Variants in ZNF385C observed in about 807,000 individuals in gnomAD.
ZNF385C encodes zinc finger protein 385C, also known as CTD-2132N18.2.
In ZNF385C, 28 loss-of-function variants were observed where a neutral mutation model predicts 35.4. That is an observed-to-expected ratio of 0.79 (90% confidence interval 0.59 to 1.08). ZNF385C has a LOEUF of 1.08. ZNF385C is among the 50% of genes least tolerant of loss of function. The pLI is 0.00. For missense variants in ZNF385C, 605 were observed against 595.6 expected, an observed-to-expected ratio of 1.02 and a Z score of -0.16; for synonymous variants, 248 against 248.2, an observed-to-expected ratio of 1.00 and a Z score of 0.01.
intron 1 of ZNF385C, among the ~76,000 whole-genome samples, chr17:42,075,536 C>A (rs1363561964): frequency 6.7e-6 from 1 of 149,488 alleles, no homozygotes. Context: ...GCTCTGTCGC[C>A]CAGGCTGGAG....
intron 1 of ZNF385C, among the ~76,000 whole-genome samples, chr17:42,080,491 T>C (rs546657309): frequency 2.6e-5 from 4 of 152,234 alleles, no homozygotes; most frequent in Non-Finnish European, 4.4e-5. Flanking sequence ...GAGAAACTAA[T>C]CCTAACCCAT....
At chr17:42,056,566 A>C (rs2053379477) in intron 2 of ZNF385C, among the ~76,000 whole-genome samples, 1 of 152,196 alleles carries the variant, frequency 6.6e-6, no homozygotes, top group Non-Finnish European at 1.5e-5. Context: ...GTTTGAGACC[A>C]GCCTGGGCAA....
intron 1 of ZNF385C, among the ~76,000 whole-genome samples, chr17:42,063,655 A>G (rs1273124903): frequency 6.6e-6 from 1 of 152,214 alleles, no homozygotes; most frequent in Admixed American, 6.5e-5. Flanking sequence ...GCCGCAGAAC[A>G]TATCTCAGAG....
chr17:42,038,998 C>G (rs2052935202), intron 2 of ZNF385C: 1 of 152,324 alleles, frequency 6.6e-6, no homozygotes, highest in Admixed American at 6.5e-5. Context: ...TGCCTGTAAT[C>G]CCAGCATTTT....
chr17:42,091,347 G>C (rs1036427357), intron 1 of ZNF385C, among the ~76,000 whole-genome samples: 18 of 152,210 alleles, frequency 1.2e-4, no homozygotes, highest in Non-Finnish European at 1.9e-4. Context: ...ACTGAGGGCT[G>C]GGGTGGGAGG....
intron 1 of ZNF385C, among the ~76,000 whole-genome samples, chr17:42,097,370 G>A (rs547272640): frequency 3.3e-5 from 5 of 152,192 alleles, no homozygotes; most frequent in African/African-American, 7.2e-5. Flanking sequence ...ATATGAGAAC[G>A]AACTTCTGCC....
chr17:42,090,050 C>T (rs1428719728), intron 1 of ZNF385C, among the ~76,000 whole-genome samples: 3 of 152,122 alleles, frequency 2.0e-5, no homozygotes, highest in Non-Finnish European at 4.4e-5. Flanking sequence ...TCCTATAACT[C>T]CCCACCTTCC....
chr17:42,065,695 A>T (rs1367325417), intron 1 of ZNF385C, among the ~76,000 whole-genome samples: 1 of 152,058 alleles, frequency 6.6e-6, no homozygotes, highest in Non-Finnish European at 1.5e-5. Flanking sequence ...AATTTTATGT[A>T]TGTTTAAAAT....
chr17:42,086,193 A>C (rs2053805532), intron 1 of ZNF385C, among the ~76,000 whole-genome samples: 1 of 151,252 alleles, frequency 6.6e-6, no homozygotes, highest in Non-Finnish European at 1.5e-5. Flanking sequence ...GGGGTTAGAG[A>C]CCAGCCTGCG....
At chr17:42,035,388 GA>G (rs1190556065) in intron 3 of ZNF385C, among the ~76,000 whole-genome samples, 1 of 151,676 alleles carries the variant, frequency 6.6e-6, no homozygotes, top group East Asian at 1.9e-4. Context: ...CAGAGAGTTG[GA>G]AACAAGGAGA....
At chr17:42,057,406 T>A (rs1469333985) in intron 2 of ZNF385C, among the ~76,000 whole-genome samples, 3 of 152,122 alleles carry the variant, frequency 2.0e-5, no homozygotes, top group Non-Finnish European at 2.9e-5. Flanking sequence ...CTGTGCTGGC[T>A]CAACATCTGT....
intron 2 of ZNF385C, among the ~76,000 whole-genome samples, chr17:42,048,426 TCC>T (rs1225264150): frequency 6.6e-6 from 1 of 150,502 alleles, no homozygotes; most frequent in African/African-American, 2.4e-5. Context: ...ATGCCTATAG[TCC>T]CAGCTACTCG....
chr17:42,085,443 CTT>C (rs879990133), intron 1 of ZNF385C, among the ~76,000 whole-genome samples: 15 of 137,692 alleles, frequency 1.1e-4, no homozygotes, highest in Non-Finnish European at 1.3e-4. Context: ...TAATTTTTTT[CTT>C]TTTTTTTTTT....
chr17:42,040,386 G>A (rs1193569590), intron 2 of ZNF385C: 1 of 1,231,932 alleles, frequency 8.1e-7, no homozygotes, highest in Non-Finnish European at 1.0e-6. Context: ...AGCCCTGGAG[G>A]CGGGCCCCAC....
chr17:42,085,833 G>A (rs1022603180), intron 1 of ZNF385C, among the ~76,000 whole-genome samples: 3 of 151,680 alleles, frequency 2.0e-5, no homozygotes, highest in African/African-American at 7.3e-5. Flanking sequence ...TCCTGACCTC[G>A]TGATCCACCC....
chr17:42,036,431 A>C (rs1337944989), intron 3 of ZNF385C, among the ~76,000 whole-genome samples: 3 of 151,446 alleles, frequency 2.0e-5, no homozygotes, highest in Non-Finnish European at 4.4e-5. Flanking sequence ...GGTGGCTCAC[A>C]CCTGTAATCC....
At chr17:42,071,315 A>C (rs1291696703) in intron 1 of ZNF385C, among the ~76,000 whole-genome samples, 1 of 152,160 alleles carries the variant, frequency 6.6e-6, no homozygotes, top group Non-Finnish European at 1.5e-5. Flanking sequence ...TCCAGCTCCA[A>C]GGGAGGGAGA....
At chr17:42,052,337 G>GAC (rs1197986405) in intron 2 of ZNF385C, among the ~76,000 whole-genome samples, 52 of 152,128 alleles carry the variant, frequency 3.4e-4, no homozygotes, top group African/African-American at 1.3e-3. Flanking sequence ...AAGACAGACA[G>GAC]ACAGACACAC....
intron 1 of ZNF385C, among the ~76,000 whole-genome samples, chr17:42,078,547 G>T (rs1230164114): frequency 6.6e-6 from 1 of 152,148 alleles, no homozygotes; most frequent in African/African-American, 2.4e-5. Flanking sequence ...ACAAGCCCAA[G>T]GACCTCAGTT....
Sources: gnomAD v4.1 joint callset for allele counts (sites outside exome capture counted in the v4.1 genomes callset) on GRCh38, gnomAD v4.1.1 for gene constraint, MANE v1.5 for transcripts, NCBI Gene and HGNC (gene_info 2026-07-23, HGNC 2026-07-21) for gene names.